The following TMEM156 variants were observed in gnomAD, a reference collection of about 807,000 sequenced individuals.
The protein encoded by TMEM156 is transmembrane protein 156.
TMEM156 carries 28 observed loss-of-function variants against 30.5 expected under a neutral mutation model. That is an observed-to-expected ratio of 0.92 (90% confidence interval 0.68 to 1.26). TMEM156 has a LOEUF of 1.26. TMEM156 is among the 50% of genes most tolerant of loss of function. The probability of loss-of-function intolerance (pLI) is 0.00; values close to 1 mark genes in which losing one functional copy is unlikely to be tolerated. For synonymous variants in TMEM156, 137 were observed against 119.9 expected (o/e 1.14, Z -0.93); for missense variants, 351 against 340.6 (o/e 1.03, Z -0.24).
intron 4 of TMEM156, among the ~76,000 whole-genome samples, chr4:38,986,853 G>GAAAAAAAAAAAAAAAAAAAAAAAAAAA (rs1712036216): frequency 1.2e-5 from 1 of 84,072 alleles, no homozygotes. Context: ...AAAAAAAAAG[G>GAAAAAAAAAAAAAAAAAAAAAAAAAAA]AAAGCGACAG....
intron 1 of TMEM156, among the ~76,000 whole-genome samples, chr4:39,001,158 C>T (rs1445772487): frequency 4.2e-5 from 6 of 144,186 alleles, no homozygotes; most frequent in African/African-American, 1.5e-4. Flanking sequence ...ATCACGAGGT[C>T]AGGAGATGGA....
chr4:38,982,980 C>A (rs1197073556), intron 5 of TMEM156, among the ~76,000 whole-genome samples: 3 of 152,156 alleles, frequency 2.0e-5, no homozygotes, highest in African/African-American at 7.2e-5. Flanking sequence ...TGCTTCCTGG[C>A]ACCTGGAGTA....
chr4:38,981,912 T>G (rs1711593540), intron 5 of TMEM156, among the ~76,000 whole-genome samples: 1 of 152,212 alleles, frequency 6.6e-6, no homozygotes, highest in Non-Finnish European at 1.5e-5. Context: ...TAGTCAGTAT[T>G]CAGTAAATAT....
At chr4:39,026,269 C>T (rs1252624629) in intron 1 of TMEM156, among the ~76,000 whole-genome samples, 1 of 151,956 alleles carries the variant, frequency 6.6e-6, no homozygotes, top group African/African-American at 2.4e-5. Flanking sequence ...AGATATGCTA[C>T]TCAGGAGGCT....
At chr4:38,981,156 G>T (rs1723162017) in intron 5 of TMEM156, among the ~76,000 whole-genome samples, 1 of 152,144 alleles carries the variant, frequency 6.6e-6, no homozygotes. Context: ...TTGGTTGCAG[G>T]ACATCTGGCA....
intron 1 of TMEM156, among the ~76,000 whole-genome samples, chr4:39,029,263 T>G (rs1715381777): frequency 6.6e-6 from 1 of 151,714 alleles, no homozygotes; most frequent in South Asian, 2.1e-4. Context: ...GAAATTAAAG[T>G]GAATAGAACA....
At chr4:38,971,826 G>C (rs1192502118) in intron 5 of TMEM156, among the ~76,000 whole-genome samples, 2 of 151,868 alleles carry the variant, frequency 1.3e-5, no homozygotes, top group African/African-American at 4.8e-5. Flanking sequence ...TTTCGCTCTT[G>C]TTGCCCAGCC....
chr4:38,993,692 C>G (rs1258356748), intron 3 of TMEM156, 46 bp downstream of exon 3: 2 of 1,556,028 alleles, frequency 1.3e-6, no homozygotes, highest in Non-Finnish European at 1.8e-6. Flanking sequence ...TTTTACATAT[C>G]TATATCGGAT....
At chr4:38,978,288 T>C (rs1451772033) in intron 5 of TMEM156, among the ~76,000 whole-genome samples, 2 of 151,924 alleles carry the variant, frequency 1.3e-5, no homozygotes, top group South Asian at 2.1e-4. Context: ...CAAGAAGGAG[T>C]AAATAGGGTT....
rs768453632 is a variant in TMEM156 at position 38,971,059 on chromosome 4, G to A, written c.*11C>T. 1 of 1,613,014 alleles carries A rather than the reference G, an allele frequency of 6.2e-7. No individual in the cohort carries two copies. The highest frequency in any genetic ancestry group is 1.3e-5 in the African/African-American group (1 of 74,910). ...TGTATATTGATCTCACTGATGCACT[G>A]TGGAAGTAACTTATAGTTCTGGAAT... is the stretch of plus-strand genomic sequence containing the variant. On this transcript the variant is annotated 3_prime_UTR_variant, in exon 6 of 7. Transcript: ENST00000381938.
rs545734395 is a variant in TMEM156, at chr4:39,005,964, C to T, written c.89-7055G>A. Among the ~76,000 whole-genome samples the T allele has an allele frequency of 9.0e-4, 137 of 152,166 alleles. 1 individual carries two copies. The South Asian group carries it at 0.019, about 21-fold the overall frequency. On this transcript the variant is annotated intron_variant, in intron 1 of 6. Transcript: ENST00000381938. ...AGGCTGGAGTGCAGTGGTACGATCT[C>T]GGCTCACTGCAACCTCTGCCTCCCG...
At chr4:38,977,112 C>T (rs1041008329) in intron 5 of TMEM156, among the ~76,000 whole-genome samples, 7 of 150,656 alleles carry the variant, frequency 4.6e-5, no homozygotes, top group African/African-American at 1.7e-4. Context: ...ACCATGTTGG[C>T]CAGGCTGGTC....
rs764936061 is a variant in TMEM156 at position 38,998,954 on chromosome 4, A to T, written c.89-45T>A. 2.0e-6 allele frequency: 3 copies of T among 1,537,352 alleles called. No individual in the cohort carries two copies. In the South Asian group the frequency reaches 3.9e-5, roughly 20 times the overall value. ...ACACTTTCTTTACTGTAAAGCTTTG[A>T]GTTTTTGGCATTCAAATAAATACAC... On this transcript the variant is annotated intron_variant, in intron 1 of 6. Transcript: ENST00000381938.
intron 1 of TMEM156, among the ~76,000 whole-genome samples, chr4:39,028,889 T>C (rs1357476642): frequency 7.2e-5 from 11 of 152,224 alleles, no homozygotes; most frequent in Non-Finnish European, 1.3e-4. Flanking sequence ...TGCTGTAAAA[T>C]AGGTTATCTT....
At chr4:39,013,842 T>C (rs2110030207) in intron 1 of TMEM156, among the ~76,000 whole-genome samples, 1 of 152,290 alleles carries the variant, frequency 6.6e-6, no homozygotes, top group East Asian at 1.9e-4. Context: ...CATCCAAAGG[T>C]TTAAATACTG....
chr4:38,986,240 A>G (rs531405414), intron 5 of TMEM156, 96 bp downstream of exon 5: 2 of 843,794 alleles, frequency 2.4e-6, no homozygotes, highest in South Asian at 2.9e-5. Context: ...TAATTTACAT[A>G]AGCTCAGATC....
At chr4:38,986,293 G>C (rs1335385399) in intron 5 of TMEM156, 43 bp downstream of exon 5, 3 of 1,406,996 alleles carry the variant, frequency 2.1e-6, no homozygotes, top group Non-Finnish European at 3.0e-6. Flanking sequence ...TGCAGCTTTG[G>C]AATTTCCTGA....
intron 1 of TMEM156, among the ~76,000 whole-genome samples, chr4:39,006,046 C>T (rs1050094184): frequency 6.6e-6 from 1 of 152,188 alleles, no homozygotes; most frequent in African/African-American, 2.4e-5. Context: ...CAGGCATCTG[C>T]CGCCATGCCT....
intron 5 of TMEM156, among the ~76,000 whole-genome samples, chr4:38,975,384 C>CTTT (rs10711049): frequency 1.0e-5 from 1 of 97,560 alleles, no homozygotes; most frequent in African/African-American, 3.9e-5. Context: ...TTTTTCTTTT[C>CTTT]TTTTTTTTTT....
Sources: allele counts gnomAD v4.1 joint callset (sites outside exome capture counted in the v4.1 genomes callset), GRCh38; gene constraint gnomAD v4.1.1; transcripts MANE v1.5; gene names NCBI Gene and HGNC (gene_info 2026-07-23, HGNC 2026-07-21).